The following ELAVL4 variants were observed in gnomAD, a reference collection of about 807,000 sequenced individuals.
The protein encoded by ELAVL4 is ELAV-like protein 4.
ELAVL4 carries 1 observed loss-of-function variant against 35.6 expected under a neutral mutation model. That is an observed-to-expected ratio of 0.03 (90% CI 0.01 to 0.13). The LOEUF is 0.13. ELAVL4 is among the 10% of genes least tolerant of loss of function. The pLI is 1.00. For missense variants in ELAVL4, 267 were observed against 464.9 expected (o/e 0.57, Z 3.91); for synonymous variants, 156 against 171.0 (o/e 0.91, Z 0.69).
upstream of ELAVL4, among the ~76,000 whole-genome samples, chr1:50,104,185 A>T (rs902658224): frequency 5.9e-5 from 9 of 152,160 alleles, no homozygotes; most frequent in Non-Finnish European, 1.3e-4. Flanking sequence ...AGTCCCCAGT[A>T]TCCCCTTTTA....
intron 2 of ELAVL4, among the ~76,000 whole-genome samples, chr1:50,146,661 C>T (rs781335324): frequency 6.6e-6 from 1 of 152,088 alleles, no homozygotes; most frequent in African/African-American, 2.4e-5. Flanking sequence ...ATTTCCCATA[C>T]GTTCAGAAAG....
At chr1:50,126,112 A>G (rs866820961) in intron 1 of ELAVL4, among the ~76,000 whole-genome samples, 1 of 152,110 alleles carries the variant, frequency 6.6e-6, no homozygotes, top group Non-Finnish European at 1.5e-5. Flanking sequence ...TTGGTAATTT[A>G]TTTTGGGGCT....
chr1:50,183,393 G>T (rs954447050), intron 3 of ELAVL4, among the ~76,000 whole-genome samples: 1 of 152,070 alleles, frequency 6.6e-6, no homozygotes, highest in African/African-American at 2.4e-5. Flanking sequence ...GCAGGCAGCC[G>T]GTGAGAGAAT....
intron 2 of ELAVL4, among the ~76,000 whole-genome samples, chr1:50,148,012 A>G (rs1674043319): frequency 1.3e-5 from 2 of 152,196 alleles, no homozygotes; most frequent in African/African-American, 4.8e-5. Context: ...GATAGAAGAA[A>G]TTTGGTCATG....
intron 1 of ELAVL4, among the ~76,000 whole-genome samples, chr1:50,061,962 G>A (rs913365552): frequency 2.0e-5 from 3 of 152,092 alleles, no homozygotes; most frequent in Non-Finnish European, 2.9e-5. Context: ...CAACTAATAC[G>A]GATAAGTATT....
At chr1:50,121,570 C>G (rs1427170005) in intron 1 of ELAVL4, among the ~76,000 whole-genome samples, 1 of 151,938 alleles carries the variant, frequency 6.6e-6, no homozygotes, top group African/African-American at 2.4e-5. Flanking sequence ...ATGTTCCTTA[C>G]TTTTTTATTT....
upstream of ELAVL4, among the ~76,000 whole-genome samples, chr1:50,102,911 T>C (rs1226396590): frequency 6.6e-6 from 1 of 152,170 alleles, no homozygotes. Flanking sequence ...CTTGGATAAA[T>C]GTGTATTTAC....
chr1:50,105,898 G>T (rs182248042), upstream of ELAVL4: 364 of 164,836 alleles, frequency 2.2e-3, no homozygotes, highest in African/African-American at 8.3e-3. Context: ...AAAATCTGTG[G>T]CAAGATGTTT....
intron 2 of ELAVL4, among the ~76,000 whole-genome samples, chr1:50,160,375 G>A (rs1676583715): frequency 6.6e-6 from 1 of 152,082 alleles, no homozygotes; most frequent in Non-Finnish European, 1.5e-5. Context: ...TTTCCTACCT[G>A]CAAGTTAAAT....
At chr1:50,178,226 A>G (rs1340632479) in intron 3 of ELAVL4, among the ~76,000 whole-genome samples, 1 of 152,230 alleles carries the variant, frequency 6.6e-6, no homozygotes, top group Non-Finnish European at 1.5e-5. Flanking sequence ...TCACGACAGC[A>G]GGTCTGACGC....
chr1:50,077,463 A>G (rs1377167918), intron 1 of ELAVL4, among the ~76,000 whole-genome samples: 1 of 152,272 alleles, frequency 6.6e-6, no homozygotes, highest in Non-Finnish European at 1.5e-5. Flanking sequence ...CAGGCCTTCA[A>G]CTGATTGGAT....
chr1:50,137,246 T>C (rs1253738375), intron 1 of ELAVL4, among the ~76,000 whole-genome samples: 1 of 152,116 alleles, frequency 6.6e-6, no homozygotes, highest in Non-Finnish European at 1.5e-5. Flanking sequence ...CAATATGGTG[T>C]GGTTGGCAGG....
At chr1:50,108,301 A>G (rs968739570), upstream of ELAVL4, among the ~76,000 whole-genome samples, 2 of 152,150 alleles carry the variant, frequency 1.3e-5, no homozygotes, top group African/African-American at 4.8e-5. Context: ...TAGTTCACGG[A>G]GCAAGCTTAA....
At chr1:50,048,220 C>A in intron 1 of ELAVL4, 1 of 1,494,672 alleles carries the variant, frequency 6.7e-7, no homozygotes, top group Non-Finnish European at 8.9e-7. Flanking sequence ...ACCCCCGACT[C>A]TGCCCGCCCT....
At chr1:50,050,029 T>A (rs1345928798) in intron 1 of ELAVL4, among the ~76,000 whole-genome samples, 1 of 152,188 alleles carries the variant, frequency 6.6e-6, no homozygotes, top group Non-Finnish European at 1.5e-5. Context: ...GCAATATAGT[T>A]TAGCATGAGA....
At position 50,077,023 on chromosome 1, in the gene ELAVL4, TTC is replaced by T. The variant is rs146497523; in HGVS notation, c.18+28864_18+28865del. Among the ~76,000 whole-genome samples, 327 of 146,340 alleles carry T rather than the reference TTC, an allele frequency of 2.2e-3. 2 individuals carry two copies. Among genetic ancestry groups the T allele is most frequent in the African/African-American group, 5.4e-3 (215 of 39,994 alleles). On this transcript the variant is annotated intron_variant, in intron 1 of 6. Coordinates refer to the ELAVL4 transcript ENST00000448907. ...CAGAGAAACAAAGTAAATGGGATGT[TTC>T]TCTCTCTCTCTCTCTCTCTCTCATA... is the stretch of plus-strand genomic sequence containing the variant.
intron 1 of ELAVL4, among the ~76,000 whole-genome samples, chr1:50,086,155 T>C (rs921787418): frequency 2.0e-5 from 3 of 152,134 alleles, no homozygotes; most frequent in African/African-American, 7.2e-5. Flanking sequence ...AAGTTTTAAA[T>C]GTACATGTAG....
upstream of ELAVL4, chr1:50,106,323 G>T: frequency 6.2e-7 from 1 of 1,613,570 alleles, no homozygotes; most frequent in South Asian, 1.1e-5. Context: ...GGTGGCAAGG[G>T]GCTGACTGAT....
At chr1:50,198,797 T>C (rs1420657824) in intron 6 of ELAVL4, among the ~76,000 whole-genome samples, 2 of 152,218 alleles carry the variant, frequency 1.3e-5, no homozygotes, top group African/African-American at 4.8e-5. Flanking sequence ...TAAACATCAC[T>C]AGCTGATAAT....
Sources: allele counts gnomAD v4.1 joint callset (sites outside exome capture counted in the v4.1 genomes callset), GRCh38; gene constraint gnomAD v4.1.1; transcripts MANE v1.5; gene names NCBI Gene and HGNC (gene_info 2026-07-23, HGNC 2026-07-21).